Variants in EPHA6 observed in about 807,000 individuals in gnomAD.
EPHA6 encodes the protein ephrin type-A receptor 6.
Under a neutral mutation model 112.0 loss-of-function variants are expected in EPHA6, and 50 were observed. The observed-to-expected ratio is 0.45, with a 90% CI of 0.36 to 0.56. The LOEUF is 0.56. Ranked by LOEUF, EPHA6 falls within the 20% of genes least tolerant of loss-of-function variation. The probability of loss-of-function intolerance (pLI) is 0.00; values close to 1 mark genes in which losing one functional copy is unlikely to be tolerated. For synonymous variants in EPHA6, 529 were observed against 490.7 expected (o/e 1.08, Z -1.03); for missense variants, 1,280 against 1,417.4 (o/e 0.90, Z 1.56).
intron 14 of EPHA6, among the ~76,000 whole-genome samples, chr3:97,639,514 A>C (rs114839989): frequency 0.015 from 2,324 of 152,242 alleles, 52 homozygotes; most frequent in African/African-American, 0.052. Flanking sequence ...TAAAAATTGC[A>C]ACAAATACAA....
At chr3:96,980,830 C>T (rs1048493589) in intron 2 of EPHA6, among the ~76,000 whole-genome samples, 3 of 152,140 alleles carry the variant, frequency 2.0e-5, no homozygotes, top group Non-Finnish European at 2.9e-5. Context: ...TGAGAGTTCA[C>T]TCATGATTTG....
intron 9 of EPHA6, 73 bp from the exon 10 acceptor site, chr3:97,483,861 T>A: frequency 7.1e-7 from 1 of 1,412,874 alleles, no homozygotes; most frequent in Non-Finnish European, 9.3e-7. Flanking sequence ...TCATTTCCGG[T>A]TTTAAATGTT....
chr3:97,313,559 C>T (rs1441824668), intron 5 of EPHA6, among the ~76,000 whole-genome samples: 1 of 151,486 alleles, frequency 6.6e-6, no homozygotes. Flanking sequence ...CTTTAGTCTG[C>T]TTTTGATACT....
At chr3:97,474,880 T>G (rs1049873408) in intron 7 of EPHA6, among the ~76,000 whole-genome samples, 2 of 152,056 alleles carry the variant, frequency 1.3e-5, no homozygotes, top group Admixed American at 6.6e-5. Context: ...GTGTTTGAAT[T>G]AAGTTCTATG....
intron 5 of EPHA6, among the ~76,000 whole-genome samples, chr3:97,390,487 T>C (rs1197588406): frequency 6.6e-6 from 1 of 151,492 alleles, no homozygotes; most frequent in East Asian, 1.9e-4. Context: ...TGTGTATATA[T>C]AAATTATATT....
At chr3:97,312,833 C>T (rs1650296752) in intron 5 of EPHA6, among the ~76,000 whole-genome samples, 1 of 150,838 alleles carries the variant, frequency 6.6e-6, no homozygotes, top group Non-Finnish European at 1.5e-5. Context: ...AATGTTAAAC[C>T]AACATTTTAT....
chr3:97,411,366 C>T (rs976269860), intron 6 of EPHA6, among the ~76,000 whole-genome samples: 1 of 151,946 alleles, frequency 6.6e-6, no homozygotes, highest in Non-Finnish European at 1.5e-5. Context: ...CCTTATCAAA[C>T]AGGAAGAAAC....
intron 5 of EPHA6, among the ~76,000 whole-genome samples, chr3:97,309,828 A>C (rs2081473702): frequency 6.6e-6 from 1 of 151,718 alleles, no homozygotes. Flanking sequence ...AAATGTTTTT[A>C]GTAACCACCT....
chr3:97,203,150 A>G (rs1291651739), intron 3 of EPHA6, among the ~76,000 whole-genome samples: 1 of 152,138 alleles, frequency 6.6e-6, no homozygotes, highest in East Asian at 1.9e-4. Flanking sequence ...TGTAGACTCT[A>G]GAGTCTCTGC....
chr3:96,923,663 T>A (rs978362849), intron 2 of EPHA6, among the ~76,000 whole-genome samples: 1 of 152,148 alleles, frequency 6.6e-6, no homozygotes, highest in Non-Finnish European at 1.5e-5. Flanking sequence ...TTTCTTCTTT[T>A]GCAGTTACTT....
chr3:96,971,291 A>G lies in EPHA6; in HGVS notation c.451-16039A>G, dbSNP rs545360579. Among the ~76,000 whole-genome samples, 356 of 151,558 alleles carry G rather than the reference A, an allele frequency of 2.3e-3. 3 individuals carry two copies. The highest frequency in any genetic ancestry group is 4.6e-3 in the South Asian group (22 of 4,832). ...TACCAAAAGTAAAACATTTAATTGT[A>G]AAACTTAATTAGACTCAGCAGTTGT... On this transcript the variant is annotated intron_variant, in intron 2 of 17. Coordinates refer to ENST00000389672, the MANE Select transcript of EPHA6 (RefSeq NM_001080448.3).
intron 5 of EPHA6, among the ~76,000 whole-genome samples, chr3:97,279,837 C>T (rs981603401): frequency 5.9e-5 from 9 of 152,126 alleles, no homozygotes; most frequent in Non-Finnish European, 1.2e-4. Context: ...GTAGAAATAA[C>T]TGCCAATAAT....
At chr3:97,062,781 G>A (rs952922937) in intron 3 of EPHA6, among the ~76,000 whole-genome samples, 1 of 152,198 alleles carries the variant, frequency 6.6e-6, no homozygotes, top group East Asian at 1.9e-4. Flanking sequence ...ATGATTGTGA[G>A]GCCTCCCCAG....
At chr3:97,426,527 A>G (rs1308449695) in intron 6 of EPHA6, among the ~76,000 whole-genome samples, 1 of 152,172 alleles carries the variant, frequency 6.6e-6, no homozygotes, top group Non-Finnish European at 1.5e-5. Flanking sequence ...CACCTTCTTT[A>G]TACCATATAC....
intron 3 of EPHA6, among the ~76,000 whole-genome samples, chr3:97,213,271 G>A (rs746390352): frequency 6.6e-6 from 1 of 152,152 alleles, no homozygotes; most frequent in Non-Finnish European, 1.5e-5. Flanking sequence ...AGGGCCATGT[G>A]AGAGGAGGAC....
At chr3:97,454,346 T>C (rs2090616429) in intron 7 of EPHA6, among the ~76,000 whole-genome samples, 2 of 151,930 alleles carry the variant, frequency 1.3e-5, no homozygotes, top group African/African-American at 4.8e-5. Flanking sequence ...GGTTCCAATA[T>C]ACATGTAATC....
chr3:96,899,407 C>A (rs1286612927), intron 2 of EPHA6, among the ~76,000 whole-genome samples: 7 of 152,062 alleles, frequency 4.6e-5, no homozygotes, highest in Non-Finnish European at 7.4e-5. Context: ...TTTACCAGTT[C>A]TAGGGGGAAC....
At chr3:96,855,949 T>C (rs956067080) in intron 1 of EPHA6, among the ~76,000 whole-genome samples, 12 of 152,064 alleles carry the variant, frequency 7.9e-5, no homozygotes, top group African/African-American at 2.7e-4. Flanking sequence ...CCTGGGTGGC[T>C]TTCACCTGTA....
At chr3:97,012,708 C>G (rs1211780327) in intron 3 of EPHA6, among the ~76,000 whole-genome samples, 5 of 150,540 alleles carry the variant, frequency 3.3e-5, no homozygotes, top group Non-Finnish European at 7.4e-5. Context: ...AATCTGCCCC[C>G]CTCGGCCTCT....
Sources: gnomAD v4.1 joint callset for allele counts (sites outside exome capture counted in the v4.1 genomes callset) on GRCh38, gnomAD v4.1.1 for gene constraint, MANE v1.5 for transcripts, NCBI Gene and HGNC (gene_info 2026-07-23, HGNC 2026-07-21) for gene names.